Variants in KSR2 observed in about 807,000 individuals in gnomAD.
KSR2 encodes kinase suppressor of ras 2.
KSR2 carries 25 observed loss-of-function variants against 107.8 expected under a neutral mutation model. That is an observed-to-expected ratio of 0.23 (90% confidence interval 0.17 to 0.32). The LOEUF is 0.32. Among genes scored for constraint, KSR2 ranks in the 10% least tolerant of loss-of-function variants. KSR2 has a pLI of 1.00. For synonymous variants in KSR2, 480 were observed against 507.0 expected, an observed-to-expected ratio of 0.95 and a Z score of 0.71; for missense variants, 887 against 1,268.9, an observed-to-expected ratio of 0.70 and a Z score of 4.57.
At chr12:117,511,044 T>C (rs1315843983) in intron 14 of KSR2, among the ~76,000 whole-genome samples, 1 of 152,228 alleles carries the variant, frequency 6.6e-6, no homozygotes, top group Admixed American at 6.5e-5. Flanking sequence ...ACTACCTCCA[T>C]TGAACGGATG....
chr12:117,558,442 G>A (rs371466921), intron 8 of KSR2, 64 bp downstream of exon 8: 3 of 1,299,308 alleles, frequency 2.3e-6, no homozygotes, highest in East Asian at 2.3e-5. Flanking sequence ...GGACAGCTAT[G>A]TGGGGGACCT....
chr12:117,520,476 A>C (rs1196874796), intron 14 of KSR2, among the ~76,000 whole-genome samples: 1 of 152,094 alleles, frequency 6.6e-6, no homozygotes, highest in Non-Finnish European at 1.5e-5. Flanking sequence ...CAGAACAGCA[A>C]CCCTAATATG....
intron 14 of KSR2, among the ~76,000 whole-genome samples, chr12:117,510,859 C>T (rs969027272): frequency 7.1e-5 from 9 of 127,204 alleles, no homozygotes; most frequent in Non-Finnish European, 1.4e-4. Flanking sequence ...GCCTGGGCAA[C>T]AGACTGAGAC....
At chr12:117,901,644 A>C (rs1168147093) in intron 1 of KSR2, among the ~76,000 whole-genome samples, 1 of 152,206 alleles carries the variant, frequency 6.6e-6, no homozygotes, top group Non-Finnish European at 1.5e-5. Context: ...AAAAAGAAAA[A>C]AAATTATGAC....
chr12:117,959,136 AC>A (rs1295118333), intron 1 of KSR2, among the ~76,000 whole-genome samples: 3 of 152,208 alleles, frequency 2.0e-5, no homozygotes, highest in Admixed American at 1.3e-4. Context: ...TATTAATTAA[AC>A]AATAATAATA....
At chr12:117,933,594 A>AC (rs1385992958) in intron 1 of KSR2, among the ~76,000 whole-genome samples, 2 of 152,068 alleles carry the variant, frequency 1.3e-5, no homozygotes, top group African/African-American at 2.4e-5. Flanking sequence ...TCTGTCTCAA[A>AC]AAAAAAAATA....
intron 5 of KSR2, among the ~76,000 whole-genome samples, chr12:117,606,903 G>C (rs2136306050): frequency 6.6e-6 from 1 of 152,140 alleles, no homozygotes; most frequent in East Asian, 2.0e-4. Context: ...CTGGGAAGAG[G>C]GAGAAAAAGA....
chr12:117,542,219 A>C (rs1876545857), intron 9 of KSR2, among the ~76,000 whole-genome samples: 1 of 152,180 alleles, frequency 6.6e-6, no homozygotes, highest in Admixed American at 6.5e-5. Flanking sequence ...GGCTAAGAAC[A>C]TCCACCTTGT....
At chr12:117,548,436 A>G (rs1446804817) in intron 9 of KSR2, among the ~76,000 whole-genome samples, 2 of 152,212 alleles carry the variant, frequency 1.3e-5, no homozygotes, top group African/African-American at 4.8e-5. Context: ...TTTCTTCCTT[A>G]TAATTTTCTT....
chr12:117,527,556 CA>C (rs1875288174), intron 12 of KSR2, among the ~76,000 whole-genome samples: 1 of 152,204 alleles, frequency 6.6e-6, no homozygotes, highest in African/African-American at 2.4e-5. Context: ...GAAGTTCACA[CA>C]AATTTGGAAT....
Position 117,458,777 on chromosome 12 carries a change from C to T in KSR2, c.*8422G>A, listed in dbSNP as rs555354612. The T allele has an allele frequency of 6.6e-6, 1 of 152,208 alleles. No homozygotes were observed. The highest frequency in any genetic ancestry group is 1.9e-4 in the East Asian group (1 of 5,162). The allele number at this position is 152,208 out of a possible 1,614,324, so 9.4% of individuals were successfully genotyped here. ...GAGTAGAGCTGGTGGTCCACTAGGA[C>T]CTCAAGATCTTATCTGGGTGGAAAC... On this transcript the variant is annotated 3_prime_UTR_variant, in exon 20 of 20. Transcript: ENST00000339824.
intron 3 of KSR2, among the ~76,000 whole-genome samples, chr12:117,764,074 A>T (rs1301746810): frequency 6.6e-6 from 1 of 152,122 alleles, no homozygotes; most frequent in Admixed American, 6.5e-5. Flanking sequence ...TTTCATGAAC[A>T]CTGACTCACT....
intron 1 of KSR2, among the ~76,000 whole-genome samples, chr12:117,923,763 A>G (rs1895416651): frequency 1.3e-5 from 2 of 152,220 alleles, no homozygotes. Flanking sequence ...CCAAATCTAT[A>G]AACATAATGA....
intron 3 of KSR2, among the ~76,000 whole-genome samples, chr12:117,822,041 G>C (rs2137081470): frequency 6.6e-6 from 1 of 152,276 alleles, no homozygotes; most frequent in South Asian, 2.1e-4. Context: ...AACCAAGATA[G>C]CAATGAGAGT....
intron 9 of KSR2, among the ~76,000 whole-genome samples, chr12:117,544,524 C>T (rs777566617): frequency 7.3e-5 from 11 of 151,524 alleles, no homozygotes; most frequent in African/African-American, 9.7e-5. Context: ...GAGGCTGAGG[C>T]GGAAGAATCA....
intron 14 of KSR2, among the ~76,000 whole-genome samples, chr12:117,506,813 C>T (rs1315085142): frequency 5.9e-5 from 9 of 151,642 alleles, no homozygotes; most frequent in African/African-American, 2.2e-4. Flanking sequence ...GTCAGTAGAT[C>T]AATAGATAGA....
At chr12:117,556,456 A>G (rs368249704) in intron 8 of KSR2, among the ~76,000 whole-genome samples, 7 of 152,308 alleles carry the variant, frequency 4.6e-5, no homozygotes, top group African/African-American at 1.4e-4. Flanking sequence ...ATGGTTCTCA[A>G]TTAAGGATGT....
chr12:117,715,099 A>T lies in KSR2; in HGVS notation c.986+45912T>A, dbSNP rs187642060. 3.0e-4 allele frequency among the ~76,000 whole-genome samples: 46 copies of T among 152,242 alleles called. 1 individual carries two copies. The East Asian group carries it at 8.7e-3, about 29-fold the overall frequency. On this transcript the variant is annotated intron_variant, in intron 4 of 19. Coordinates refer to ENST00000339824, the MANE Select transcript of KSR2 (RefSeq NM_173598.6). ...GTTGCCCCTGGATACATAAATTCTC[A>T]TCTAAATTCATGCTCGCATTCACAA...
At chr12:117,793,555 TCA>T (rs1171902145) in intron 3 of KSR2, among the ~76,000 whole-genome samples, 2 of 120,682 alleles carry the variant, frequency 1.7e-5, no homozygotes, top group Admixed American at 8.3e-5. Context: ...ACATGCACAC[TCA>T]CACCAACATG....
Sources: allele counts gnomAD v4.1 joint callset (sites outside exome capture counted in the v4.1 genomes callset), GRCh38; gene constraint gnomAD v4.1.1; transcripts MANE v1.5; gene names NCBI Gene and HGNC (gene_info 2026-07-23, HGNC 2026-07-21).